BICD1: variants seen among roughly 807,000 people sequenced by gnomAD.
BICD1 encodes BICD cargo adaptor 1, also known as protein bicaudal D homolog 1.
In BICD1, 35 loss-of-function variants were observed where a neutral mutation model predicts 92.5. That is an observed-to-expected ratio of 0.38 (90% CI 0.29 to 0.50). The LOEUF is 0.50. BICD1 is among the 20% of genes least tolerant of loss of function. BICD1 has a pLI of 0.93. For missense variants in BICD1, 950 were observed against 1,189.8 expected (o/e 0.80, Z 2.97); for synonymous variants, 429 against 465.1 (o/e 0.92, Z 1.00).
chr12:32,272,650 C>T (rs1371113001), intron 2 of BICD1, among the ~76,000 whole-genome samples: 1 of 152,168 alleles, frequency 6.6e-6, no homozygotes, highest in Admixed American at 6.5e-5. Context: ...ATGGTGAAAC[C>T]CTGTCTCTAC....
At chr12:32,173,177 AGCTGGGACTAAG>A (rs1258011849) in intron 1 of BICD1, among the ~76,000 whole-genome samples, 1 of 152,084 alleles carries the variant, frequency 6.6e-6, no homozygotes, top group Non-Finnish European at 1.5e-5. Flanking sequence ...CCTCCTGAGT[AGCTGGGACTAAG>A]GCTCACCACC....
chr12:32,189,710 T>G (rs1944512598), intron 1 of BICD1, among the ~76,000 whole-genome samples: 1 of 151,812 alleles, frequency 6.6e-6, no homozygotes, highest in African/African-American at 2.4e-5. Context: ...TTTTTTTTTT[T>G]TTTTTTGAGA....
chr12:32,369,662 C>T (rs1020319990), intron 9 of BICD1, among the ~76,000 whole-genome samples: 13 of 152,044 alleles, frequency 8.6e-5, no homozygotes, highest in Non-Finnish European at 1.3e-4. Context: ...GAGGCTGAGG[C>T]GGGAGGATGG....
chr12:32,123,194 G>A (rs1471244503), intron 1 of BICD1, among the ~76,000 whole-genome samples: 1 of 152,178 alleles, frequency 6.6e-6, no homozygotes, highest in African/African-American at 2.4e-5. Context: ...ATCAGAGAAA[G>A]CCTCATTGAG....
chr12:32,270,137 T>A (rs951921638), intron 2 of BICD1, among the ~76,000 whole-genome samples: 17 of 148,910 alleles, frequency 1.1e-4, no homozygotes, highest in Admixed American at 6.0e-4. Flanking sequence ...AAAAAAAAAA[T>A]TATTATTATT....
chr12:32,141,513 G>A (rs1942918034), intron 1 of BICD1, among the ~76,000 whole-genome samples: 1 of 151,960 alleles, frequency 6.6e-6, no homozygotes, highest in Non-Finnish European at 1.5e-5. Flanking sequence ...TTGCTCTGTC[G>A]CCCAGGCTGG....
chr12:32,197,949 TA>T (rs1944772809), intron 1 of BICD1, among the ~76,000 whole-genome samples: 1 of 151,966 alleles, frequency 6.6e-6, no homozygotes, highest in Admixed American at 6.6e-5. Context: ...CTCATGCCTG[TA>T]ATCCCAGCAT....
intron 8 of BICD1, chr12:32,353,615 C>G (rs1285528313): frequency 2.0e-5 from 3 of 151,870 alleles, no homozygotes; most frequent in Non-Finnish European, 4.4e-5. Context: ...ACAAGAAGAT[C>G]AAACACATTT....
At chr12:32,150,961 C>A (rs1298331204) in intron 1 of BICD1, among the ~76,000 whole-genome samples, 1 of 152,042 alleles carries the variant, frequency 6.6e-6, no homozygotes, top group African/African-American at 2.4e-5. Flanking sequence ...CAATGGTACC[C>A]TGCTTCTTAG....
chr12:32,361,181 A>G (rs325429), intron 8 of BICD1, among the ~76,000 whole-genome samples: 64,177 of 152,010 alleles, frequency 0.42, 13,889 homozygotes, highest in African/African-American at 0.5. Flanking sequence ...TTATCACCTC[A>G]TTTTTAGAAG....
chr12:32,191,161 C>T (rs1287203792), intron 1 of BICD1, among the ~76,000 whole-genome samples: 1 of 152,048 alleles, frequency 6.6e-6, no homozygotes, highest in African/African-American at 2.4e-5. Flanking sequence ...TAATTTCACA[C>T]CCCAAGGAAC....
chr12:32,194,797 C>T (rs573583853), intron 1 of BICD1, among the ~76,000 whole-genome samples: 3 of 152,166 alleles, frequency 2.0e-5, no homozygotes, highest in Admixed American at 6.5e-5. Context: ...GTAGGAGAAT[C>T]GCTTGAACCG....
intron 1 of BICD1, among the ~76,000 whole-genome samples, chr12:32,133,365 G>C (rs1182064223): frequency 6.6e-6 from 1 of 151,928 alleles, no homozygotes; most frequent in Admixed American, 6.6e-5. Flanking sequence ...GTGCACACCT[G>C]TAATCCTAGC....
intron 1 of BICD1, among the ~76,000 whole-genome samples, chr12:32,113,317 A>G (rs1144720): frequency 0.39 from 59,717 of 151,888 alleles, 12,211 homozygotes; most frequent in Admixed American, 0.51. Context: ...AGGTGGTTCT[A>G]TTTACAAAGG....
At chr12:32,123,145 C>T (rs1333779696) in intron 1 of BICD1, among the ~76,000 whole-genome samples, 2 of 152,026 alleles carry the variant, frequency 1.3e-5, no homozygotes, top group African/African-American at 4.8e-5. Flanking sequence ...AGGGAGATGG[C>T]ATGTGAAGTG....
chr12:32,260,733 A>G (rs1432112145), intron 2 of BICD1, among the ~76,000 whole-genome samples: 1 of 151,624 alleles, frequency 6.6e-6, no homozygotes, highest in Non-Finnish European at 1.5e-5. Flanking sequence ...ATGGTTGTCT[A>G]TCATGTTACT....
chr12:32,151,350 G>A (rs1943280892), intron 1 of BICD1, among the ~76,000 whole-genome samples: 1 of 152,174 alleles, frequency 6.6e-6, no homozygotes, highest in African/African-American at 2.4e-5. Context: ...TGGCTCTGGA[G>A]CCTCTGGCTG....
intron 8 of BICD1, among the ~76,000 whole-genome samples, chr12:32,360,447 C>T (rs1251147861): frequency 6.6e-6 from 1 of 152,106 alleles, no homozygotes; most frequent in East Asian, 1.9e-4. Flanking sequence ...CAAACTTTGC[C>T]TCATCCTCGG....
At chr12:32,268,683 C>G (rs1369934878) in intron 2 of BICD1, among the ~76,000 whole-genome samples, 1 of 152,138 alleles carries the variant, frequency 6.6e-6, no homozygotes. Flanking sequence ...GTAATCCCAG[C>G]TACTTGGGAG....
Sources: gnomAD v4.1 joint callset for allele counts (sites outside exome capture counted in the v4.1 genomes callset) on GRCh38, gnomAD v4.1.1 for gene constraint, MANE v1.5 for transcripts, NCBI Gene and HGNC (gene_info 2026-07-23, HGNC 2026-07-21) for gene names.